CNTN1: variants seen among roughly 807,000 people sequenced by gnomAD.
The protein encoded by CNTN1 is contactin 1.
A neutral mutation model predicts 126.4 loss-of-function variants in CNTN1; 38 were observed. That is an observed-to-expected ratio of 0.30 (90% confidence interval 0.23 to 0.39). The LOEUF (loss-of-function observed/expected upper bound fraction) is 0.39. Among genes scored for constraint, CNTN1 ranks in the 10% least tolerant of loss-of-function variants. CNTN1 has a pLI of 1.00. For missense variants in CNTN1, 1,009 were observed against 1,248.4 expected (o/e 0.81, Z 2.89); for synonymous variants, 413 against 422.6 (o/e 0.98, Z 0.28).
Position 41,016,736 on chromosome 12 carries a change from A to T in CNTN1, c.2239A>T (p.Lys747Ter). ...CAATTTTGGTTACATAGTGGCATTT[A>T]AGCCATTTGATGGAGAAGAATGGAA... ...GNNFGYIVAF[K>*]PFDGEEWKKV... The change falls in exon 19 of 24, where the codon AAG (lysine) becomes TAG (stop). Residue 747 changes from lysine (K) to a stop codon, truncating the protein, a stop_gained. Transcript: ENST00000551295. LOFTEE classifies it high-confidence loss of function. The T allele has an allele frequency of 6.2e-7, 1 of 1,614,136 alleles. No individual in the cohort carries two copies. Among genetic ancestry groups the T allele is most frequent in the Non-Finnish European group, 8.5e-7 (1 of 1,179,998 alleles).
At chr12:41,024,925 T>G (rs574710705) in intron 20 of CNTN1, among the ~76,000 whole-genome samples, 3 of 152,322 alleles carry the variant, frequency 2.0e-5, no homozygotes, top group African/African-American at 7.2e-5. Flanking sequence ...AAAACAATTT[T>G]GGGCAATGAA....
At chr12:40,766,522 G>T (rs1356942078) in intron 1 of CNTN1, among the ~76,000 whole-genome samples, 1 of 152,100 alleles carries the variant, frequency 6.6e-6, no homozygotes, top group East Asian at 1.9e-4. Context: ...GATGGGGCTT[G>T]GTCCTGCAAA....
At chr12:40,723,826 G>A (rs895897639) in intron 1 of CNTN1, among the ~76,000 whole-genome samples, 4 of 152,164 alleles carry the variant, frequency 2.6e-5, no homozygotes, top group African/African-American at 9.7e-5. Flanking sequence ...CTCTGCATGT[G>A]TTTAAATGGT....
chr12:40,986,551 G>A (rs1269409776), intron 16 of CNTN1, among the ~76,000 whole-genome samples: 2 of 152,116 alleles, frequency 1.3e-5, no homozygotes, highest in Non-Finnish European at 2.9e-5. Flanking sequence ...CCCACAGAGG[G>A]CTCTTTCAGT....
chr12:41,005,974 CA>C (rs1248638317), intron 17 of CNTN1, among the ~76,000 whole-genome samples: 1 of 152,170 alleles, frequency 6.6e-6, no homozygotes, highest in Non-Finnish European at 1.5e-5. Context: ...GTGATTCCAT[CA>C]TTTGGAGGAA....
At chr12:40,721,088 A>T (rs1942196599) in intron 1 of CNTN1, among the ~76,000 whole-genome samples, 2 of 152,150 alleles carry the variant, frequency 1.3e-5, no homozygotes, top group Non-Finnish European at 2.9e-5. Flanking sequence ...CTCATTTAAG[A>T]AAACAAATGC....
intron 1 of CNTN1, among the ~76,000 whole-genome samples, chr12:40,767,304 CTT>C (rs10639318): frequency 5.6e-5 from 5 of 89,714 alleles, no homozygotes; most frequent in Non-Finnish European, 8.0e-5. Flanking sequence ...CTGACCTTTC[CTT>C]TTTTTTTTTT....
At chr12:40,810,040 A>G (rs1187618997) in intron 1 of CNTN1, among the ~76,000 whole-genome samples, 2 of 152,170 alleles carry the variant, frequency 1.3e-5, no homozygotes, top group African/African-American at 2.4e-5. Flanking sequence ...TGTATGCTGT[A>G]ATCATGGTAT....
At chr12:41,038,451 AGT>A (rs138431460) in intron 23 of CNTN1, among the ~76,000 whole-genome samples, 1 of 151,738 alleles carries the variant, frequency 6.6e-6, no homozygotes, top group Admixed American at 6.6e-5. Flanking sequence ...GCCTTCCCTC[AGT>A]GTGTGTGTGT....
chr12:41,040,578 C>A lies in CNTN1; in HGVS notation c.2980+11359C>A, dbSNP rs944380832. On this transcript the variant is annotated intron_variant, in intron 23 of 23. Coordinates refer to ENST00000551295, the MANE Select transcript of CNTN1 (RefSeq NM_001843.4). ...ATGTTCTTCCATTTCTTTGTATCCT[C>A]TTTTATTTCATTGAGCAGTGGTTTG... 3.9e-5 allele frequency among the ~76,000 whole-genome samples: 6 copies of A among 152,216 alleles called. No homozygotes were observed. The South Asian group carries it at 8.3e-4, about 21-fold the overall frequency.
At position 40,936,867 on chromosome 12, in the gene CNTN1, C is replaced by T; in HGVS notation, c.1072C>T (p.Pro358Ser). ...CTGGCCTTGTGTGGCCACAGGAAAG[C>T]CCATCCCTACAATCCGATGGTTGAA... ...LYWPCVATGK[P>S]IPTIRWLKNG... The change falls in exon 10 of 24, where the codon CCC becomes TCC. Residue 358 changes from proline to serine, a missense_variant. By Grantham distance (74) the Pro-to-Ser change is moderately conservative. Coordinates refer to ENST00000551295, the MANE Select transcript of CNTN1 (RefSeq NM_001843.4). 6.2e-7 allele frequency: 1 copy of T among 1,613,262 alleles called. No individual in the cohort carries two copies. The highest frequency in any genetic ancestry group is 8.5e-7 in the Non-Finnish European group (1 of 1,179,418).
chr12:40,813,062 C>CTTTCTTTCTTTCTTT (rs1565773275), intron 1 of CNTN1, among the ~76,000 whole-genome samples: 4 of 71,218 alleles, frequency 5.6e-5, no homozygotes, highest in African/African-American at 2.1e-4. Context: ...TTTCTTTCTT[C>CTTTCTTTCTTTCTTT]CTTCCTTCCT....
At chr12:40,832,342 G>C (rs1941872392) in intron 1 of CNTN1, among the ~76,000 whole-genome samples, 1 of 152,298 alleles carries the variant, frequency 6.6e-6, no homozygotes, top group South Asian at 2.1e-4. Flanking sequence ...CTGTTGCGTA[G>C]TGATATGGTA....
At chr12:40,727,118 T>TA (rs1381787310) in intron 1 of CNTN1, among the ~76,000 whole-genome samples, 1 of 150,752 alleles carries the variant, frequency 6.6e-6, no homozygotes, top group Non-Finnish European at 1.5e-5. Context: ...GAAATATTTT[T>TA]AAAATGCGTG....
At chr12:40,794,457 G>A (rs1403543460) in intron 1 of CNTN1, among the ~76,000 whole-genome samples, 1 of 150,848 alleles carries the variant, frequency 6.6e-6, no homozygotes, top group Non-Finnish European at 1.5e-5. Context: ...TTTTTGCATG[G>A]TTGGTGAGGA....
Position 40,993,183 on chromosome 12 carries a change from A to T in CNTN1, c.2027A>T (p.Glu676Val). 6.2e-7 allele frequency: 1 copy of T among 1,613,710 alleles called. No homozygotes were observed. The highest frequency in any genetic ancestry group is 1.1e-5 in the South Asian group (1 of 91,076). ...GCAGTGGACTTAATCCCATGGATGG[A>T]GTATGAATTCCGCGTGGTAGCAACC... ...ARAVDLIPWM[E>V]YEFRVVATNT... The change falls in exon 17 of 24, where the codon GAG (glutamate) becomes GTG (valine). Residue 676 changes from glutamate (E) to valine (V), a missense_variant. Physicochemically the swap from Glu to Val is moderately radical, Grantham distance 121 (BLOSUM62 -2). Coordinates refer to ENST00000551295, the MANE Select transcript of CNTN1 (RefSeq NM_001843.4).
At chr12:40,916,639 A>G (rs1008238105) in intron 3 of CNTN1, among the ~76,000 whole-genome samples, 1 of 152,092 alleles carries the variant, frequency 6.6e-6, no homozygotes. Context: ...CTCAAGAAGG[A>G]TATGGAACTA....
At chr12:40,756,677 T>A (rs1307383530) in intron 1 of CNTN1, among the ~76,000 whole-genome samples, 1 of 152,090 alleles carries the variant, frequency 6.6e-6, no homozygotes, top group Non-Finnish European at 1.5e-5. Flanking sequence ...ATCTTGCAAA[T>A]AGTTTGCTCC....
intron 1 of CNTN1, among the ~76,000 whole-genome samples, chr12:40,693,865 T>C (rs1253092967): frequency 3.3e-5 from 5 of 152,164 alleles, no homozygotes; most frequent in Non-Finnish European, 2.9e-5. Context: ...CGTGAAATAA[T>C]GTTTTTGTAA....
Sources: gnomAD v4.1 joint callset for allele counts (sites outside exome capture counted in the v4.1 genomes callset) on GRCh38, gnomAD v4.1.1 for gene constraint, MANE v1.5 for transcripts, NCBI Gene and HGNC (gene_info 2026-07-23, HGNC 2026-07-21) for gene names.